The following PLCB4 variants were observed in gnomAD, a reference collection of about 807,000 sequenced individuals.
PLCB4 encodes phospholipase C beta 4.
PLCB4 carries 77 observed loss-of-function variants against 178.8 expected under a neutral mutation model. That is an observed-to-expected ratio of 0.43 (90% CI 0.36 to 0.52). PLCB4 has a LOEUF of 0.52. PLCB4 is among the 20% of genes least tolerant of loss of function. PLCB4 has a pLI of 0.00. For synonymous variants in PLCB4, 496 were observed against 490.8 expected, an observed-to-expected ratio of 1.01 and a Z score of -0.14; for missense variants, 1,024 against 1,453.4, an observed-to-expected ratio of 0.70 and a Z score of 4.80.
intron 2 of PLCB4, among the ~76,000 whole-genome samples, chr20:9,201,442 T>C (rs2093544492): frequency 6.6e-6 from 1 of 152,216 alleles, no homozygotes; most frequent in South Asian, 2.1e-4. Context: ...ATTGGTGTAA[T>C]ATTAATATTG....
intron 2 of PLCB4, among the ~76,000 whole-genome samples, chr20:9,184,382 G>A (rs1415917523): frequency 1.3e-5 from 2 of 152,058 alleles, no homozygotes; most frequent in African/African-American, 4.8e-5. Context: ...ACCTTCATAA[G>A]CACTTTCTTT....
intron 16 of PLCB4, 37 bp downstream of exon 16, chr20:9,389,995 T>C: frequency 9.0e-7 from 1 of 1,104,996 alleles, no homozygotes; most frequent in Non-Finnish European, 1.4e-6. Context: ...CTCTATGTGG[T>C]ATTGTTTCCT....
intron 3 of PLCB4, among the ~76,000 whole-genome samples, chr20:9,281,823 C>G (rs1042933549): frequency 6.6e-5 from 10 of 151,884 alleles, no homozygotes; most frequent in Admixed American, 3.3e-4. Flanking sequence ...TAAACACACT[C>G]TAAAATTTCA....
At chr20:9,355,307 A>G (rs182901802) in intron 7 of PLCB4, among the ~76,000 whole-genome samples, 11 of 151,930 alleles carry the variant, frequency 7.2e-5, no homozygotes, top group African/African-American at 2.7e-4. Context: ...TATTATTATT[A>G]TTATACTTCA....
At chr20:9,443,839 G>T in intron 30 of PLCB4, 142 bp from the exon 31 acceptor site, 1 of 564,642 alleles carries the variant, frequency 1.8e-6, no homozygotes. Flanking sequence ...CTTTGTAATA[G>T]GAACTTAAGA....
At chr20:9,339,110 T>C in intron 7 of PLCB4, 73 bp downstream of exon 7, 13 of 1,025,214 alleles carry the variant, frequency 1.3e-5, no homozygotes, top group Middle Eastern at 2.4e-4. Context: ...TTATGCGTGC[T>C]ATATTTTTAT....
rs190708985 is a variant in PLCB4, at chr20:9,133,705, C to T, written c.-79+37363C>T. 8.6e-3 allele frequency among the ~76,000 whole-genome samples: 1,315 copies of T among 152,304 alleles called. 16 individuals carry two copies. Among genetic ancestry groups the T allele is most frequent in the African/African-American group, 0.029 (1,193 of 41,578 alleles). ...ACCACTACCGGAAAAGGGGCTGAAG[C>T]TGCATAAGTGGATAGCTGACCCACC... On this transcript the variant is annotated intron_variant, in intron 2 of 39. Transcript: ENST00000378473.
chr20:9,326,676 T>C (rs2030639588), intron 4 of PLCB4, among the ~76,000 whole-genome samples: 1 of 152,074 alleles, frequency 6.6e-6, no homozygotes, highest in African/African-American at 2.4e-5. Context: ...AAATAAAAAC[T>C]GTGTTGTGAT....
chr20:9,242,337 T>A (rs2094073427), intron 3 of PLCB4, among the ~76,000 whole-genome samples: 1 of 152,228 alleles, frequency 6.6e-6, no homozygotes, highest in East Asian at 1.9e-4. Flanking sequence ...TATGAAGAGA[T>A]CAGCTTTAAA....
chr20:9,301,615 A>G (rs1413269001), intron 3 of PLCB4, among the ~76,000 whole-genome samples: 3 of 152,182 alleles, frequency 2.0e-5, no homozygotes, highest in Non-Finnish European at 4.4e-5. Context: ...CCGAATGGAT[A>G]GAAGGCCATA....
chr20:9,326,157 CACAA>C (rs2030517395), intron 4 of PLCB4, among the ~76,000 whole-genome samples: 1 of 152,164 alleles, frequency 6.6e-6, no homozygotes, highest in African/African-American at 2.4e-5. Flanking sequence ...TGGGGTAGAG[CACAA>C]ACATTCAGAC....
intron 38 of PLCB4, 40 bp from the exon 39 acceptor site, chr20:9,476,677 G>A: frequency 2.1e-6 from 3 of 1,427,216 alleles, no homozygotes; most frequent in Non-Finnish European, 3.0e-6. Context: ...CGTTTTGTAT[G>A]TATGACTCAA....
intron 2 of PLCB4, among the ~76,000 whole-genome samples, chr20:9,124,376 C>T (rs2092055581): frequency 6.6e-6 from 1 of 152,022 alleles, no homozygotes; most frequent in African/African-American, 2.4e-5. Context: ...CCTGTAGTCC[C>T]AGCTAATTGG....
At chr20:9,102,870 T>C (rs1403160211) in intron 2 of PLCB4, among the ~76,000 whole-genome samples, 2 of 152,138 alleles carry the variant, frequency 1.3e-5, no homozygotes, top group Non-Finnish European at 2.9e-5. Flanking sequence ...AAGATTATTA[T>C]GAACACCAAA....
intron 2 of PLCB4, among the ~76,000 whole-genome samples, chr20:9,117,066 C>T (rs771750507): frequency 2.6e-5 from 4 of 152,016 alleles, no homozygotes; most frequent in Non-Finnish European, 2.9e-5. Context: ...CCAATTTGTC[C>T]GAATTTGTCT....
chr20:9,286,755 A>G (rs754175649), intron 3 of PLCB4, among the ~76,000 whole-genome samples: 52 of 152,046 alleles, frequency 3.4e-4, no homozygotes, highest in African/African-American at 1.2e-3. Context: ...GCTGAAGTCT[A>G]CAGAGAACTA....
chr20:9,384,411 G>A lies in PLCB4; in HGVS notation c.1064G>A (p.Arg355Lys). Residue 355 changes from arginine to lysine, a missense_variant and splice_region_variant, in exon 14 of 40, where the codon AGA (arginine) becomes AAA (lysine). Transcript: ENST00000378473. The part of the protein sequence containing the change: ...MYRQVLLAGC[R>K]CVELDCWDGK... Reference sequence around the variant, plus strand: ...AGACAGGTTCTCCTGGCTGGTTGCAGGTGAGGAACTCAAGATGGCAATTTG... The same window carrying A: ...AGACAGGTTCTCCTGGCTGGTTGCAAGTGAGGAACTCAAGATGGCAATTTG... The A allele has an allele frequency of 6.2e-7, 1 of 1,611,378 alleles. No homozygotes were observed. The highest frequency in any genetic ancestry group is 8.5e-7 in the Non-Finnish European group (1 of 1,177,440).
intron 28 of PLCB4, among the ~76,000 whole-genome samples, chr20:9,428,241 A>G (rs1056481591): frequency 6.6e-6 from 1 of 152,168 alleles, no homozygotes; most frequent in Non-Finnish European, 1.5e-5. Context: ...CTAAAATGTC[A>G]TATTTTATTA....
At chr20:9,257,179 T>A (rs781714850) in intron 3 of PLCB4, among the ~76,000 whole-genome samples, 1 of 152,222 alleles carries the variant, frequency 6.6e-6, no homozygotes, top group East Asian at 1.9e-4. Flanking sequence ...TAGTATTTAT[T>A]CTGTTTCTGG....
Sources: gnomAD v4.1 joint callset for allele counts (sites outside exome capture counted in the v4.1 genomes callset) on GRCh38, gnomAD v4.1.1 for gene constraint, MANE v1.5 for transcripts, NCBI Gene and HGNC (gene_info 2026-07-23, HGNC 2026-07-21) for gene names.